The following GABPB2 variants were observed in gnomAD, a reference collection of about 807,000 sequenced individuals.
GABPB2 encodes GA-binding protein subunit beta-2.
A neutral mutation model predicts 39.1 loss-of-function variants in GABPB2; 23 were observed. The ratio of observed to expected loss-of-function variants is 0.59; its 90% confidence interval spans 0.42 to 0.83. The LOEUF is 0.83. Ranked by LOEUF, GABPB2 falls within the 40% of genes least tolerant of loss-of-function variation. The pLI, the probability that GABPB2 is intolerant of heterozygous loss-of-function variation, is 0.00. For synonymous variants in GABPB2, 184 were observed against 199.3 expected (o/e 0.92, Z 0.65); for missense variants, 467 against 541.1 (o/e 0.86, Z 1.36).
intron 3 of GABPB2, 44 bp downstream of exon 3, chr1:151,090,617 C>T: frequency 1.9e-6 from 3 of 1,582,456 alleles, no homozygotes; most frequent in East Asian, 2.2e-5. Context: ...AAAAAGGCAT[C>T]CACTTTCCTG....
intron 1 of GABPB2, among the ~76,000 whole-genome samples, chr1:151,076,349 C>G (rs1157257893): frequency 6.6e-6 from 1 of 152,164 alleles, no homozygotes; most frequent in East Asian, 1.9e-4. Context: ...AGCCAGAGAT[C>G]ACTGGTTGGT....
chr1:151,073,886 C>G (rs1005946999), intron 1 of GABPB2, among the ~76,000 whole-genome samples: 1 of 151,592 alleles, frequency 6.6e-6, no homozygotes. Context: ...CGCCACTGTA[C>G]TCCAGCCTGG....
intron 5 of GABPB2, among the ~76,000 whole-genome samples, chr1:151,100,050 A>G (rs587716015): frequency 5.2e-4 from 79 of 152,358 alleles, no homozygotes; most frequent in Non-Finnish European, 9.0e-4. Context: ...GCAGGATGAT[A>G]CAAAAACTTT....
chr1:151,115,168 A>C (rs1210823593), intron 7 of GABPB2, among the ~76,000 whole-genome samples: 2 of 151,794 alleles, frequency 1.3e-5, no homozygotes, highest in African/African-American at 4.8e-5. Context: ...TGAGACTAGC[A>C]TGACCAACAT....
intron 1 of GABPB2, among the ~76,000 whole-genome samples, chr1:151,080,613 C>G (rs1362515101): frequency 6.6e-6 from 1 of 150,950 alleles, no homozygotes; most frequent in African/African-American, 2.4e-5. Context: ...TTTGGGAGGC[C>G]AAGACAAGCA....
At chr1:151,097,776 CAA>C (rs35034487) in intron 4 of GABPB2, 74 bp from the exon 5 acceptor site, 73,778 of 1,178,314 alleles carry the variant, frequency 0.063, 1 homozygote, top group South Asian at 0.077. Flanking sequence ...GAGACTGTCT[CAA>C]AAAAAAAAAA....
chr1:151,109,713 T>C lies in GABPB2; in HGVS notation c.922+2491T>C, dbSNP rs932875980. On this transcript the variant is annotated intron_variant, in intron 7 of 8. Coordinates refer to ENST00000368918, the MANE Select transcript of GABPB2 (RefSeq NM_144618.3). Reference sequence around the variant, plus strand: ...GTTTTTGAGATAGGATCTCCCTTTGTTGCCCAGGCTAGAATGCAGTGGCAT... The same window carrying C: ...GTTTTTGAGATAGGATCTCCCTTTGCTGCCCAGGCTAGAATGCAGTGGCAT... Among the ~76,000 whole-genome samples the C allele has an allele frequency of 2.6e-5, 4 of 151,908 alleles. No homozygotes were observed. The Admixed American group carries it at 2.6e-4, about 10-fold the overall frequency.
chr1:151,099,198 TTTTTTA>T (rs1679333568), intron 5 of GABPB2, among the ~76,000 whole-genome samples: 1 of 151,992 alleles, frequency 6.6e-6, no homozygotes, highest in Admixed American at 6.6e-5. Flanking sequence ...TTATTTTTTA[TTTTTTA>T]TTTTTTTCTC....
At chr1:151,088,092 A>G in intron 1 of GABPB2, 98 bp from the exon 2 acceptor site, 1 of 776,310 alleles carries the variant, frequency 1.3e-6, no homozygotes, top group South Asian at 1.6e-5. Context: ...TGTATCTTAT[A>G]TACATTCAAA....
At chr1:151,073,565 T>C (rs1571871102) in intron 1 of GABPB2, among the ~76,000 whole-genome samples, 1 of 152,074 alleles carries the variant, frequency 6.6e-6, no homozygotes, top group Non-Finnish European at 1.5e-5. Flanking sequence ...CAAAATGCTG[T>C]GTTTTTTGTT....
intron 5 of GABPB2, among the ~76,000 whole-genome samples, chr1:151,103,195 G>A (rs915860203): frequency 3.3e-5 from 5 of 151,398 alleles, no homozygotes; most frequent in Non-Finnish European, 5.9e-5. Context: ...GACTACAGGC[G>A]CCCACCACCA....
At chr1:151,093,763 A>G (rs1286746801) in intron 4 of GABPB2, among the ~76,000 whole-genome samples, 1 of 151,856 alleles carries the variant, frequency 6.6e-6, no homozygotes, top group African/African-American at 2.4e-5. Flanking sequence ...TTGACTTGGG[A>G]CAATATTAAA....
chr1:151,089,940 A>AT (rs36109860), intron 2 of GABPB2, among the ~76,000 whole-genome samples: 91,122 of 143,722 alleles, frequency 0.63, 30,252 homozygotes, highest in East Asian at 0.88. Context: ...TAGCATGTTA[A>AT]TTTTTTTTTT....
At chr1:151,116,327 T>C (rs1571998749) in intron 7 of GABPB2, among the ~76,000 whole-genome samples, 1 of 151,334 alleles carries the variant, frequency 6.6e-6, no homozygotes, top group African/African-American at 2.4e-5. Context: ...GAAGCGGAGG[T>C]TGCAGTTAGC....
In GABPB2 at chr1:151,088,196, T is replaced by C; in HGVS notation, c.7T>C (p.Leu3=). ...TTTGTTCCTATGCATAAAGATGTCT[T>C]TGGTGGACTTGGGAAAGAGGTTGCT... The part of the protein sequence containing the change: MS[L]VDLGKRLLEA... Residue 3 remains leucine, a synonymous_variant, in exon 2 of 9, where the codon TTG becomes CTG. Transcript: ENST00000368918. The C allele has an allele frequency of 1.2e-6, 2 of 1,613,696 alleles. No individual in the cohort carries two copies. Among genetic ancestry groups the C allele is most frequent in the Non-Finnish European group, 1.7e-6 (2 of 1,179,662 alleles).
intron 4 of GABPB2, among the ~76,000 whole-genome samples, chr1:151,097,579 C>G (rs114434942): frequency 2.0e-5 from 3 of 151,854 alleles, no homozygotes; most frequent in Non-Finnish European, 4.4e-5. Context: ...CCCACAAGTT[C>G]TAGACCAACT....
chr1:151,078,484 T>C (rs1485087777), intron 1 of GABPB2, among the ~76,000 whole-genome samples: 1 of 150,590 alleles, frequency 6.6e-6, no homozygotes, highest in African/African-American at 2.4e-5. Flanking sequence ...TCCCAGCCAC[T>C]CAGGAGGCTG....
intron 7 of GABPB2, among the ~76,000 whole-genome samples, chr1:151,111,248 CTT>C (rs71090131): frequency 7.7e-5 from 11 of 142,614 alleles, no homozygotes; most frequent in South Asian, 2.2e-4. Flanking sequence ...TTTTTTTTTT[CTT>C]TTTTTTTTTT....
chr1:151,101,253 G>GA (rs34881824), intron 5 of GABPB2, among the ~76,000 whole-genome samples: 1 of 151,294 alleles, frequency 6.6e-6, no homozygotes, highest in African/African-American at 2.4e-5. Context: ...AGTTTGTCTT[G>GA]AAAAAATAAA....
Sources: gnomAD v4.1 joint callset for allele counts (sites outside exome capture counted in the v4.1 genomes callset) on GRCh38, gnomAD v4.1.1 for gene constraint, MANE v1.5 for transcripts, NCBI Gene and HGNC (gene_info 2026-07-23, HGNC 2026-07-21) for gene names.